The following GPR143 variants were observed in gnomAD, a reference collection of about 807,000 sequenced individuals.
The protein encoded by GPR143 is G protein-coupled receptor 143.
In GPR143, 8 loss-of-function variants were observed where a neutral mutation model predicts 27.6. The ratio of observed to expected loss-of-function variants is 0.29; its 90% CI spans 0.17 to 0.52. The LOEUF (loss-of-function observed/expected upper bound fraction) is 0.52. GPR143 is among the 20% of genes least tolerant of loss of function. GPR143 has a pLI of 0.96. For synonymous variants in GPR143, 156 were observed against 153.2 expected, an observed-to-expected ratio of 1.02 and a Z score of -0.13; for missense variants, 303 against 343.1, an observed-to-expected ratio of 0.88 and a Z score of 0.92.
chrX:9,730,245 T>C (rs1265356977), intron 8 of GPR143, among the ~76,000 whole-genome samples: 2 of 65,746 alleles, frequency 3.0e-5, no homozygotes, highest in East Asian at 2.0e-3. Context: ...TCAACTGCCT[T>C]TCTCAGATCC....
intron 8 of GPR143, among the ~76,000 whole-genome samples, chrX:9,730,948 ACT>A (rs1400678915): frequency 9.1e-6 from 1 of 110,281 alleles, no homozygotes. Context: ...AAAGCACCCC[ACT>A]CTCTCCCACT....
At chrX:9,748,014 A>G (rs1408913049) in intron 4 of GPR143, 2 of 119,103 alleles carry the variant, frequency 1.7e-5, no homozygotes, top group African/African-American at 3.2e-5. Flanking sequence ...TGAGGGTTGC[A>G]TGGACAGGAA....
intron 4 of GPR143, among the ~76,000 whole-genome samples, chrX:9,747,365 C>T (rs1187738599): frequency 9.0e-6 from 1 of 111,276 alleles, no homozygotes; most frequent in Non-Finnish European, 1.9e-5. Context: ...ACCCTGGGAG[C>T]ACCTCAAGGC....
At chrX:9,765,109 T>G (rs1001526169) in intron 1 of GPR143, among the ~76,000 whole-genome samples, 1 of 112,113 alleles carries the variant, frequency 8.9e-6, no homozygotes, top group Non-Finnish European at 1.9e-5. Flanking sequence ...GGTTCAAGTG[T>G]TAAGACGGCC....
intron 2 of GPR143, among the ~76,000 whole-genome samples, 163 bp downstream of exon 2, chrX:9,760,554 C>T (rs1299090883): frequency 9.0e-6 from 1 of 111,057 alleles, no homozygotes; most frequent in Non-Finnish European, 1.9e-5. Context: ...TGGGCAGCAT[C>T]CCCTGGAGGG....
intron 3 of GPR143, among the ~76,000 whole-genome samples, chrX:9,751,474 C>A (rs994662727): frequency 3.6e-5 from 4 of 112,580 alleles, no homozygotes; most frequent in African/African-American, 1.3e-4. Flanking sequence ...CCTTAACCTA[C>A]AAGATGGCTG....
Position 9,746,055 on chromosome X carries a change from G to A in GPR143, c.647C>T (p.Thr216Ile). The A allele has an allele frequency of 8.5e-7, 1 of 1,177,599 alleles. No homozygotes were observed. The highest frequency in any genetic ancestry group is 1.2e-6 in the Non-Finnish European group (1 of 864,180). Reference sequence around the variant, plus strand: ...TCCCTAGTATTTACCTGCAGTCACTGTCTTTTGGAACAGGATGGGGTTCGC... The same window carrying A: ...TCCCTAGTATTTACCTGCAGTCACTATCTTTTGGAACAGGATGGGGTTCGC... The part of the protein sequence containing the change: ...LVANPILFQK[T>I]VTAVASLLKG... The change falls in exon 5 of 9, where the codon ACA becomes ATA. Residue 216 changes from threonine (T) to isoleucine (I), a missense_variant. By Grantham distance (89) the Thr-to-Ile change is moderately conservative. Coordinates refer to ENST00000467482, the MANE Select transcript of GPR143 (RefSeq NM_000273.3).
rs1467914396 is a variant in GPR143 at position 9,727,464 on chromosome X, G to A, written c.1121-1624C>T. 3.5e-5 allele frequency among the ~76,000 whole-genome samples: 4 copies of A among 113,095 alleles called. No individual in the cohort carries two copies. In the East Asian group the frequency reaches 1.1e-3, roughly 32 times the overall value. On this transcript the variant is annotated intron_variant, in intron 8 of 8. Coordinates refer to ENST00000467482, the MANE Select transcript of GPR143 (RefSeq NM_000273.3). Reference sequence around the variant, plus strand: ...AAGCCAGACTTGGCCCATGCAAGCTGGGTGGGCAGGCCATCTCCTGCAACA... The same window carrying A: ...AAGCCAGACTTGGCCCATGCAAGCTAGGTGGGCAGGCCATCTCCTGCAACA...
intron 1 of GPR143, among the ~76,000 whole-genome samples, chrX:9,773,497 ACACAC>A (rs2083561353): frequency 9.0e-6 from 1 of 110,587 alleles, no homozygotes; most frequent in Non-Finnish European, 1.9e-5. Context: ...ACACACACAC[ACACAC>A]ACACACACAT....
At chrX:9,766,889 CCTAT>C (rs1249439703), upstream of GPR143, among the ~76,000 whole-genome samples, 4 of 79,858 alleles carry the variant, frequency 5.0e-5, no homozygotes, top group Non-Finnish European at 9.3e-5. Context: ...GGAGTGAGAC[CCTAT>C]CTCTCTCTCT....
At chrX:9,768,908 C>T, upstream of GPR143, among the ~76,000 whole-genome samples, 1 of 111,102 alleles carries the variant, frequency 9.0e-6, no homozygotes, top group South Asian at 3.8e-4. Context: ...GAACTCCTGG[C>T]CTCAAGTGAT....
chrX:9,733,296 T>C (rs749188717), intron 8 of GPR143, among the ~76,000 whole-genome samples: 113 of 111,072 alleles, frequency 1.0e-3, no homozygotes, highest in African/African-American at 3.5e-3. Flanking sequence ...TGTGGGAGAC[T>C]GAAGGTACTA....
intron 1 of GPR143, among the ~76,000 whole-genome samples, chrX:9,764,365 A>T (rs1417057894): frequency 9.0e-6 from 1 of 111,458 alleles, no homozygotes; most frequent in African/African-American, 3.3e-5. Flanking sequence ...GAAAACGGGC[A>T]GGATTTGGTC....
At chrX:9,775,182 C>G (rs2083567302) in intron 1 of GPR143, among the ~76,000 whole-genome samples, 1 of 112,264 alleles carries the variant, frequency 8.9e-6, no homozygotes, top group Non-Finnish European at 1.9e-5. Context: ...AGAACCCAGA[C>G]AGCCTGATCT....
intron 1 of GPR143, among the ~76,000 whole-genome samples, chrX:9,761,945 G>GC (rs2083503526): frequency 1.8e-5 from 2 of 111,950 alleles, no homozygotes; most frequent in Non-Finnish European, 3.8e-5. Context: ...TAATTAGCTG[G>GC]AGGTGGTGGC....
chrX:9,772,011 G>A (rs908454080), intron 1 of GPR143, among the ~76,000 whole-genome samples: 1 of 110,995 alleles, frequency 9.0e-6, no homozygotes, highest in Non-Finnish European at 1.9e-5. Context: ...GCGCCCGGCT[G>A]GAGCATTCTC....
chrX:9,728,078 C>T (rs369826243), intron 8 of GPR143, among the ~76,000 whole-genome samples: 1 of 112,436 alleles, frequency 8.9e-6, no homozygotes, highest in African/African-American at 3.2e-5. Context: ...CTTCATGGCA[C>T]GTCCCACTAC....
In GPR143 at chrX:9,748,784, C is replaced by T. The variant is rs1037880649; in HGVS notation, c.456-118G>A. On this transcript the variant is annotated intron_variant, in intron 3 of 8. Coordinates refer to ENST00000467482, the MANE Select transcript of GPR143 (RefSeq NM_000273.3). ...GGAAAATGTACACAGAGGAAAGCCC[C>T]TCGGCAAAGAGTTTCCTCGTGCTGC... 3 of 516,933 alleles carry T rather than the reference C, an allele frequency of 5.8e-6. No individual in the cohort carries two copies. In the African/African-American group the frequency reaches 6.9e-5, roughly 12 times the overall value. The allele number at this position is 516,933 out of a possible 1,213,427, so 42.6% of individuals were successfully genotyped here.
At chrX:9,748,429 C>T (rs927316883) in intron 4 of GPR143, 145 bp downstream of exon 4, 3 of 507,685 alleles carry the variant, frequency 5.9e-6, no homozygotes, top group Admixed American at 2.7e-5. Flanking sequence ...GGGGCTGGGC[C>T]GTGAGCATGG....
Sources: gnomAD v4.1 joint callset for allele counts (sites outside exome capture counted in the v4.1 genomes callset) on GRCh38, gnomAD v4.1.1 for gene constraint, MANE v1.5 for transcripts, NCBI Gene and HGNC (gene_info 2026-07-23, HGNC 2026-07-21) for gene names.